Variants in METTL2B observed in about 807,000 individuals in gnomAD.
METTL2B encodes tRNA N(3)-cytidine methyltransferase METTL2B.
A neutral mutation model predicts 51.0 loss-of-function variants in METTL2B; 28 were observed. That is an observed-to-expected ratio of 0.55 (90% CI 0.41 to 0.75). The LOEUF (loss-of-function observed/expected upper bound fraction) is 0.75. Ranked by LOEUF, METTL2B falls within the 30% of genes least tolerant of loss-of-function variation. METTL2B has a pLI of 0.00. For missense variants in METTL2B, 313 were observed against 460.7 expected, an observed-to-expected ratio of 0.68 and a Z score of 2.93; for synonymous variants, 128 against 166.3, an observed-to-expected ratio of 0.77 and a Z score of 1.77.
intron 4 of METTL2B, chr7:128,483,262 C>G (rs1799894724): frequency 6.6e-6 from 1 of 152,136 alleles, no homozygotes; most frequent in Non-Finnish European, 1.5e-5. Context: ...TTACTAGAAC[C>G]CACTTGTTCA....
In METTL2B at chr7:128,506,129, T is replaced by C. The variant is rs1380904654; in HGVS notation, c.*4213T>C. On this transcript the variant is annotated 3_prime_UTR_variant, in exon 9 of 9. Transcript: ENST00000262432. ...ACCGTGACTGGCCCCACTTAATGGG[T>C]TTTCAGAGGTGGGAGCAAAGAATGA... The C allele has an allele frequency of 6.6e-6, 1 of 151,972 alleles. No homozygotes were observed. Among genetic ancestry groups the C allele is most frequent in the Non-Finnish European group, 1.5e-5 (1 of 67,988 alleles). 9.4% of individuals were successfully genotyped at this position (151,972 alleles called of 1,614,324 possible).
At chr7:128,496,287 A>G (rs1699208429) in intron 6 of METTL2B, among the ~76,000 whole-genome samples, 1 of 152,174 alleles carries the variant, frequency 6.6e-6, no homozygotes, top group African/African-American at 2.4e-5. Flanking sequence ...GCTCACGCCT[A>G]TAATCCCACC....
chr7:128,506,256 A>G lies in METTL2B; in HGVS notation c.*4340A>G, dbSNP rs1240864393. 6.6e-6 allele frequency: 1 copy of G among 152,272 alleles called. No individual in the cohort carries two copies. Among genetic ancestry groups the G allele is most frequent in the Non-Finnish European group, 1.5e-5 (1 of 68,052 alleles). 9.4% of individuals were successfully genotyped at this position (152,272 alleles called of 1,614,324 possible). A position where few individuals can be genotyped will look rare whatever the true frequency, so the allele number is the denominator to read the frequency against. ...ATTTCATTTATCTTTTGAAATGAAG[A>G]ATAGATACATTAATTTAAATGATTC... On this transcript the variant is annotated 3_prime_UTR_variant, in exon 9 of 9. Transcript: ENST00000262432.
intron 7 of METTL2B, 31 bp from the exon 8 acceptor site, chr7:128,500,872 T>C (rs1411129602): frequency 3.1e-6 from 5 of 1,612,678 alleles, no homozygotes; most frequent in African/African-American, 2.7e-5. Flanking sequence ...CACTTTAAAG[T>C]GTCTCTGATT....
At chr7:128,498,291 A>G (rs1792961822) in intron 7 of METTL2B, 149 bp downstream of exon 7, 2 of 655,402 alleles carry the variant, frequency 3.1e-6, no homozygotes, top group Non-Finnish European at 4.4e-6. Context: ...GAGTTGAACA[A>G]TGAGAACACA....
intron 4 of METTL2B, among the ~76,000 whole-genome samples, chr7:128,486,808 C>T (rs998209324): frequency 1.8e-4 from 28 of 152,094 alleles, no homozygotes; most frequent in African/African-American, 6.3e-4. Flanking sequence ...ACCTGTAATC[C>T]GAGCTACTTG....
intron 3 of METTL2B, among the ~76,000 whole-genome samples, chr7:128,479,857 C>A (rs919126267): frequency 5.9e-5 from 9 of 152,186 alleles, no homozygotes; most frequent in African/African-American, 2.2e-4. Flanking sequence ...TGTCCCAGAT[C>A]AGAAGAAATT....
chr7:128,501,662 G>C (rs1009213108), intron 8 of METTL2B, 100 bp from the exon 9 acceptor site: 35 of 1,528,390 alleles, frequency 2.3e-5, no homozygotes, highest in Non-Finnish European at 3.1e-5. Context: ...TAAAAAACAC[G>C]ACAGCAACTT....
intron 4 of METTL2B, among the ~76,000 whole-genome samples, chr7:128,484,742 G>A (rs181980936): frequency 0.07 from 10,564 of 151,962 alleles, 773 homozygotes; most frequent in East Asian, 0.26. Flanking sequence ...ACAAGCGCCC[G>A]CCACCACACC....
Position 128,476,770 on chromosome 7 carries a change from C to T in METTL2B, c.5C>T (p.Ala2Val), listed in dbSNP as rs754003835. The T allele has an allele frequency of 6.2e-7, 1 of 1,613,756 alleles. No individual in the cohort carries two copies. The highest frequency in any genetic ancestry group is 2.2e-5 in the East Asian group (1 of 44,888). Residue 2 changes from alanine (A) to valine (V), a missense_variant, in exon 1 of 9, where the codon GCC becomes GTC. Ala to Val is a moderately conservative substitution (Grantham distance 64, BLOSUM62 0). Transcript: ENST00000262432. ...AGTGTTTCCGGCTCCGGTGTCATGG[C>T]CGGCTCCTACCCTGAAGGTGCACCT... Reference protein sequence around the residue: MAGSYPEGAPAI... With the variant: MVGSYPEGAPAI...
Position 128,500,945 on chromosome 7 carries a change from C to T in METTL2B, c.959C>T (p.Thr320Ile). The change falls in exon 8 of 9, where the codon ACC becomes ATC. Residue 320 changes from threonine to isoleucine, a missense_variant. By Grantham distance (89) the Thr-to-Ile change is moderately conservative. This residue lies in a region of METTL2B where 138 missense variants were observed against 187.6 expected (regional missense o/e 0.74). Coordinates refer to ENST00000262432, the MANE Select transcript of METTL2B (RefSeq NM_018396.3). ...AATTTCTATGTGAGAGGTGATGGAACCAGAGTTTACTTCTTCACACAAGGT... is the reference window on the plus strand; with the variant it reads ...AATTTCTATGTGAGAGGTGATGGAATCAGAGTTTACTTCTTCACACAAGGT... ...SGNFYVRGDG[T>I]RVYFFTQEEL... 1.2e-6 allele frequency: 2 copies of T among 1,614,168 alleles called. No homozygotes were observed. The highest frequency in any genetic ancestry group is 2.2e-5 in the South Asian group (2 of 91,084).
rs796850466 is a variant in METTL2B at position 128,484,227 on chromosome 7, T to TGTTGTTTTG, written c.608+3531_608+3532insGTTGTTTTG. The TGTTGTTTTG allele has an allele frequency of 1.3e-3, 111 of 86,736 alleles. 1 individual carries two copies. The highest frequency in any genetic ancestry group is 5.0e-3 in the African/African-American group (107 of 21,292). 5.4% of individuals were successfully genotyped at this position (86,736 alleles called of 1,614,324 possible). On this transcript the variant is annotated intron_variant, in intron 4 of 8. Transcript: ENST00000262432. ...CCTATTGCCTAGATCCTTTTTTTTT[T>TGTTGTTTTG]TTTTTTTTTTTTTTTTTTGAGACAG...
intron 4 of METTL2B, among the ~76,000 whole-genome samples, chr7:128,484,817 G>A (rs186361487): frequency 1.2e-3 from 178 of 152,156 alleles, no homozygotes; most frequent in African/African-American, 3.9e-3. Context: ...TCCTGACCTC[G>A]TGATCTGCCT....
intron 4 of METTL2B, chr7:128,484,231 T>TTTTTTTTTTTGTTTTTTTTTTTTTG (rs1792652405): frequency 8.3e-5 from 9 of 108,804 alleles, no homozygotes; most frequent in African/African-American, 1.0e-4. Flanking sequence ...TTTTTTTTTT[T>TTTTTTTTTTTGTTTTTTTTTTTTTG]TTTTTTTTTT....
intron 6 of METTL2B, among the ~76,000 whole-genome samples, chr7:128,496,756 TTTTC>T (rs1053628120): frequency 2.0e-5 from 2 of 100,272 alleles, no homozygotes; most frequent in African/African-American, 7.7e-5. Context: ...CCCAGCTGCT[TTTTC>T]TTTGTTTGTT....
At chr7:128,486,772 A>G (rs1792727176) in intron 4 of METTL2B, among the ~76,000 whole-genome samples, 1 of 152,120 alleles carries the variant, frequency 6.6e-6, no homozygotes, top group African/African-American at 2.4e-5. Context: ...TAAAAATACA[A>G]AAATTAGCTG....
At chr7:128,481,352 C>T (rs1279608719) in intron 4 of METTL2B, among the ~76,000 whole-genome samples, 1 of 152,230 alleles carries the variant, frequency 6.6e-6, no homozygotes, top group Admixed American at 6.5e-5. Context: ...GACTGCCCCC[C>T]ACTTCAGATG....
intron 5 of METTL2B, among the ~76,000 whole-genome samples, chr7:128,489,901 T>A (rs1301275658): frequency 2.0e-5 from 3 of 152,104 alleles, no homozygotes; most frequent in African/African-American, 7.2e-5. Flanking sequence ...GTGCTGGGAT[T>A]ACAGGCGTGA....
rs754121211 is a variant in METTL2B at position 128,480,691 on chromosome 7, G to A, written c.603G>A (p.Thr201=). 5.2e-5 allele frequency: 83 copies of A among 1,605,836 alleles called. No individual in the cohort carries two copies. The highest frequency in any genetic ancestry group is 6.1e-5 in the Non-Finnish European group (72 of 1,177,372). The change falls in exon 4 of 9, where the codon ACG becomes ACA. Residue 201 remains threonine, a synonymous_variant. Coordinates refer to ENST00000262432, the MANE Select transcript of METTL2B (RefSeq NM_018396.3). ...VGNTVFPILQ[T]NNDPGLFVYC... is the part of the protein sequence containing the mutation. ...ACACAGTCTTTCCAATTTTACAAAC[G>A]AACAAGTAAGTATGTTGTAAAAGTT...
Sources: gnomAD v4.1 joint callset for allele counts (sites outside exome capture counted in the v4.1 genomes callset) on GRCh38, gnomAD v4.1.1 for gene constraint, gnomAD v4.1.1 regional missense constraint, MANE v1.5 for transcripts, NCBI Gene and HGNC (gene_info 2026-07-23, HGNC 2026-07-21) for gene names.